Variants in SZT2 observed in about 807,000 individuals in gnomAD.
SZT2 encodes the protein KICSTOR complex protein SZT2.
A neutral mutation model predicts 404.2 loss-of-function variants in SZT2; 216 were observed. That is an observed-to-expected ratio of 0.53 (90% CI 0.48 to 0.60). The LOEUF (loss-of-function observed/expected upper bound fraction) is 0.60. SZT2 is among the 20% of genes least tolerant of loss of function. SZT2 has a pLI of 0.00. For missense variants in SZT2, 3,857 were observed against 4,459.2 expected (o/e 0.86, Z 3.85); for synonymous variants, 1,693 against 1,749.9 (o/e 0.97, Z 0.81).
intron 62 of SZT2, among the ~76,000 whole-genome samples, chr1:43,444,497 T>C (rs1013404935): frequency 6.6e-6 from 1 of 151,064 alleles, no homozygotes; most frequent in Non-Finnish European, 1.5e-5. Context: ...TTTGATGTAG[T>C]TCTCGGCCCA....
intron 33 of SZT2, 82 bp downstream of exon 33, chr1:43,431,172 T>G: frequency 6.4e-7 from 1 of 1,574,180 alleles, no homozygotes. Flanking sequence ...ACTTGGGGAC[T>G]AAGGAGACCT....
chr1:43,443,755 T>G lies in SZT2; in HGVS notation c.8784T>G (p.Gly2928=). The G allele has an allele frequency of 6.2e-7, 1 of 1,614,024 alleles. No individual in the cohort carries two copies. The highest frequency in any genetic ancestry group is 1.1e-5 in the South Asian group (1 of 91,078). ...ATGTGCAGTATCTGCAGAGCATAGGTTTTGTGCTGGTACCACTGCGGCCCC... is the reference window on the plus strand; with the variant it reads ...ATGTGCAGTATCTGCAGAGCATAGGGTTTGTGCTGGTACCACTGCGGCCCC... ...QQYVQYLQSI[G]FVLVPLRPPS... The change falls in exon 62 of 72, where the codon GGT becomes GGG. Residue 2928 remains glycine (G), a synonymous_variant. Coordinates refer to ENST00000634258, the MANE Select transcript of SZT2 (RefSeq NM_001365999.1).
intron 1 of SZT2, chr1:43,393,949 C>A: frequency 6.9e-6 from 2 of 290,192 alleles, no homozygotes; most frequent in Non-Finnish European, 1.0e-5. Flanking sequence ...AATTAAGTAA[C>A]TTGTCCAAGG....
intron 4 of SZT2, among the ~76,000 whole-genome samples, chr1:43,408,548 G>A (rs994633513): frequency 6.6e-6 from 1 of 152,210 alleles, no homozygotes; most frequent in African/African-American, 2.4e-5. Context: ...TTACAGGCAT[G>A]AGCTGCTGTG....
Position 43,450,618 on chromosome 1 carries a change from T to C in SZT2, c.*138T>C, listed in dbSNP as rs1656280989. The C allele has an allele frequency of 7.6e-7, 1 of 1,323,470 alleles. No homozygotes were observed. The highest frequency in any genetic ancestry group is 1.5e-5 in the African/African-American group (1 of 68,048). 82.0% of individuals were successfully genotyped at this position (1,323,470 alleles called of 1,614,324 possible). On this transcript the variant is annotated 3_prime_UTR_variant, in exon 72 of 72. Coordinates refer to ENST00000634258, the MANE Select transcript of SZT2 (RefSeq NM_001365999.1). The surrounding 1 kb of genome is among the most constrained non-coding windows in gnomAD (Gnocchi z 4.3). Reference sequence around the variant, plus strand: ...TGAGTGACACCAAAGGCTTTGTAACTATGTCTTGAGGGTCTGCTGCCCCAG... The same window carrying C: ...TGAGTGACACCAAAGGCTTTGTAACCATGTCTTGAGGGTCTGCTGCCCCAG...
In SZT2 at chr1:43,429,848, G is replaced by A; in HGVS notation, c.4308+4G>A. On this transcript the variant is annotated splice_donor_region_variant and intron_variant, in intron 29 of 71. Transcript: ENST00000634258. ...TGCCCTTCATAGCGTCATCCAGGTG[G>A]GAAGCTTGGGTGAGGGTAGAAGAGG... The A allele has an allele frequency of 6.2e-7, 1 of 1,614,108 alleles. No individual in the cohort carries two copies. Among genetic ancestry groups the A allele is most frequent in the Non-Finnish European group, 8.5e-7 (1 of 1,180,034 alleles).
At chr1:43,446,624 G>C (rs555790738) in intron 65 of SZT2, 2 of 660,514 alleles carry the variant, frequency 3.0e-6, no homozygotes, top group African/African-American at 3.6e-5. Context: ...CATCCAAAGC[G>C]TGTTCAGCTG....
chr1:43,435,243 C>A lies in SZT2; in HGVS notation c.5948C>A (p.Ser1983Tyr). 6.2e-7 allele frequency: 1 copy of A among 1,614,226 alleles called. No individual in the cohort carries two copies. The highest frequency in any genetic ancestry group is 8.5e-7 in the Non-Finnish European group (1 of 1,180,048). ...CTTCATGACAGCCACGTGTGTAACT[C>A]TCTTCTGGTGGCCGAGAGTGAAGAA... ...QDLHDSHVCN[S>Y]LLVAESEEDL... Residue 1983 changes from serine to tyrosine, a missense_variant, in exon 42 of 72, where the codon TCT (serine) becomes TAT (tyrosine). By Grantham distance (144) the Ser-to-Tyr change is moderately radical. Coordinates refer to ENST00000634258, the MANE Select transcript of SZT2 (RefSeq NM_001365999.1).
intron 2 of SZT2, 121 bp downstream of exon 2, chr1:43,403,423 G>A: frequency 1.4e-6 from 2 of 1,448,592 alleles, no homozygotes; most frequent in Non-Finnish European, 1.9e-6. Flanking sequence ...GCAAGGGACT[G>A]CCTACAAGAT....
At chr1:43,449,697 A>G (rs1656146395) in intron 70 of SZT2, 1 of 278,218 alleles carries the variant, frequency 3.6e-6, no homozygotes, top group Non-Finnish European at 7.1e-6. Flanking sequence ...AGAGCAAATC[A>G]TCCCGGGATG....
intron 46 of SZT2, 196 bp downstream of exon 46, chr1:43,438,098 A>G: frequency 1.7e-6 from 1 of 575,484 alleles, no homozygotes; most frequent in Non-Finnish European, 3.1e-6. Context: ...ACCTCCTATT[A>G]CTCTGCCCTG....
At position 43,453,981 on chromosome 1, in the gene SZT2, A is replaced by G. The variant is rs572274597; in HGVS notation, c.*3501A>G. The G allele has an allele frequency of 8.4e-7, 1 of 1,187,832 alleles. No homozygotes were observed. The highest frequency in any genetic ancestry group is 4.2e-5 in the South Asian group (1 of 23,904). The allele number at this position is 1,187,832 out of a possible 1,614,324, so 73.6% of individuals were successfully genotyped here. Reference sequence around the variant, plus strand: ...GAAAAGCGCCTACGGTTAGCGAGAGAGGGATCACGGGGAGAGGCGAAGGGG... The same window carrying G: ...GAAAAGCGCCTACGGTTAGCGAGAGGGGGATCACGGGGAGAGGCGAAGGGG... On this transcript the variant is annotated 3_prime_UTR_variant, in exon 72 of 72. Transcript: ENST00000634258.
intron 46 of SZT2, 128 bp from the exon 47 acceptor site, chr1:43,438,571 C>T (rs1654713577): frequency 2.3e-6 from 2 of 859,560 alleles, no homozygotes; most frequent in East Asian, 5.3e-5. Context: ...TGGCTACCTC[C>T]AGAGCCAGCA....
chr1:43,420,537 T>G lies in SZT2; in HGVS notation c.1262-212T>G, dbSNP rs1652228889. On this transcript the variant is annotated intron_variant, in intron 9 of 71. Coordinates refer to ENST00000634258, the MANE Select transcript of SZT2 (RefSeq NM_001365999.1). This position sits in a 1 kb window ranked among gnomAD's most constrained non-coding sequence, Gnocchi z 5.1. ...CAAGGTGAACCAGCTGAGGGTGGTATAGGGTCCTGAACTTGGCTTAGTTTT... is the reference window on the plus strand; with the variant it reads ...CAAGGTGAACCAGCTGAGGGTGGTAGAGGGTCCTGAACTTGGCTTAGTTTT... Among the ~76,000 whole-genome samples the G allele has an allele frequency of 1.3e-5, 2 of 152,216 alleles. No individual in the cohort carries two copies. The highest frequency in any genetic ancestry group is 2.9e-5 in the Non-Finnish European group (2 of 68,038).
chr1:43,413,601 C>A (rs1056006502), intron 4 of SZT2, among the ~76,000 whole-genome samples: 24 of 152,250 alleles, frequency 1.6e-4, no homozygotes, highest in African/African-American at 5.5e-4. Flanking sequence ...TACATATATA[C>A]AATGGAATAC....
Position 43,433,142 on chromosome 1 carries a change from T to C in SZT2, c.5756T>C (p.Leu1919Pro). 1 of 1,614,132 alleles carries C rather than the reference T, an allele frequency of 6.2e-7. No homozygotes were observed. The highest frequency in any genetic ancestry group is 8.5e-7 in the Non-Finnish European group (1 of 1,180,024). ...GGGCCCTGCCTGCCTGACTTCTGGC[T>C]CATTGTCCGGGTCCTGCAGGACCGT... ...LPGPCLPDFW[L>P]IVRVLQDRVE... Residue 1919 changes from leucine (L) to proline (P), a missense_variant, in exon 40 of 72, where the codon CTC (leucine) becomes CCC (proline). Transcript: ENST00000634258.
In SZT2 at chr1:43,447,675, T is replaced by C. The variant is rs752775768; in HGVS notation, c.9417T>C (p.Tyr3139=). 15 of 1,613,998 alleles carry C rather than the reference T, an allele frequency of 9.3e-6. No homozygotes were observed. The highest frequency in any genetic ancestry group is 1.3e-5 in the Non-Finnish European group (15 of 1,180,014). The part of the protein sequence containing the change: ...ARPGGPEHNE[Y]ALVSAWHSSG... ...CAGGGGGCCCAGAACACAACGAGTATGCCCTGGTGTCGGCATGGCACAGGT... is the reference window on the plus strand; with the variant it reads ...CAGGGGGCCCAGAACACAACGAGTACGCCCTGGTGTCGGCATGGCACAGGT... Residue 3139 remains tyrosine (Y), a synonymous_variant, in exon 67 of 72, where the codon TAT becomes TAC. Transcript: ENST00000634258.
chr1:43,395,041 G>C (rs1648827811), intron 1 of SZT2, among the ~76,000 whole-genome samples: 1 of 152,198 alleles, frequency 6.6e-6, no homozygotes, highest in Non-Finnish European at 1.5e-5. Flanking sequence ...AGACTTCATT[G>C]TGCCTTTGGA....
rs1656637244 is a variant in SZT2 at position 43,453,259 on chromosome 1, G to T, written c.*2779G>T. On this transcript the variant is annotated 3_prime_UTR_variant, in exon 72 of 72. Coordinates refer to ENST00000634258, the MANE Select transcript of SZT2 (RefSeq NM_001365999.1). ...CAAAAGGCAATTTACAAAGGACCAGGACCGCAGAGGCAGAGATAAACCAGT... is the reference window on the plus strand; with the variant it reads ...CAAAAGGCAATTTACAAAGGACCAGTACCGCAGAGGCAGAGATAAACCAGT... 3.0e-6 allele frequency: 2 copies of T among 676,964 alleles called. No homozygotes were observed. The highest frequency in any genetic ancestry group is 2.8e-5 in the Admixed American group (1 of 36,358). The allele number at this position is 676,964 out of a possible 1,614,324, so 41.9% of individuals were successfully genotyped here.
Sources: gnomAD v4.1 joint callset for allele counts (sites outside exome capture counted in the v4.1 genomes callset) on GRCh38, gnomAD v4.1.1 for gene constraint, Gnocchi (gnomAD v3.1) non-coding constraint, MANE v1.5 for transcripts, NCBI Gene and HGNC (gene_info 2026-07-23, HGNC 2026-07-21) for gene names.